The following CEP83 variants were observed in gnomAD, a reference collection of about 807,000 sequenced individuals.
CEP83 encodes the protein centrosomal protein of 83 kDa.
In CEP83, 70 loss-of-function variants were observed where a neutral mutation model predicts 101.9. The ratio of observed to expected loss-of-function variants is 0.69; its 90% confidence interval spans 0.57 to 0.84. CEP83 has a LOEUF of 0.84. Among genes scored for constraint, CEP83 ranks in the 40% least tolerant of loss-of-function variants. The pLI is 0.00. For missense variants in CEP83, 715 were observed against 787.2 expected (o/e 0.91, Z 1.10); for synonymous variants, 264 against 267.9 (o/e 0.99, Z 0.14).
At chr12:94,298,718 T>C in the CEP83 span, 3 of 1,613,354 alleles carry the variant, frequency 1.9e-6, no homozygotes, top group South Asian at 1.1e-5. Flanking sequence ...TAAAATACTT[T>C]TTTGACTTTT....
intron 8 of CEP83, among the ~76,000 whole-genome samples, chr12:94,372,618 T>A (rs1443629948): frequency 6.6e-6 from 1 of 152,276 alleles, no homozygotes. Flanking sequence ...AGGAAGTTGA[T>A]TCATCTCATG....
chr12:94,366,884 G>C (rs1039952306), intron 11 of CEP83, among the ~76,000 whole-genome samples: 20 of 152,034 alleles, frequency 1.3e-4, no homozygotes, highest in African/African-American at 4.6e-4. Context: ...ATGTCAAAAG[G>C]ACATGGGATT....
intron 6 of CEP83, among the ~76,000 whole-genome samples, chr12:94,392,037 G>A (rs181767524): frequency 6.6e-6 from 1 of 152,122 alleles, no homozygotes; most frequent in Admixed American, 6.6e-5. Flanking sequence ...ACACAATAAT[G>A]ATGGGAGACT....
chr12:94,297,195 A>G, the CEP83 span: 1 of 1,613,946 alleles, frequency 6.2e-7, no homozygotes, highest in South Asian at 1.1e-5. Context: ...TCAGATGTGG[A>G]GTACTCGGAT....
rs756477542 is a variant in CEP83 at position 94,331,806 on chromosome 12, T to C, written c.1601A>G (p.Gln534Arg). 5 of 1,612,844 alleles carry C rather than the reference T, an allele frequency of 3.1e-6. No homozygotes were observed. Residue 534 changes from glutamine (Q) to arginine (R), a missense_variant, in exon 14 of 17, where the codon CAG becomes CGG. Transcript: ENST00000397809. The stretch of plus-strand genomic sequence containing the variant: ...AAGCTTATGCTTTTCTTCCAACCAC[T>C]GTATCTGTTTCTCTTCCAATGTCCT... ...AEKTLEEKQI[Q>R]WLEEKHKLHE... is the part of the protein sequence containing the mutation.
the CEP83 span, among the ~76,000 whole-genome samples, chr12:94,288,497 C>T: frequency 1.3e-5 from 2 of 152,186 alleles, no homozygotes; most frequent in African/African-American, 4.8e-5. Flanking sequence ...AGGTTAATTT[C>T]AAGTAAACAA....
At chr12:94,363,724 A>G (rs1041441554) in intron 11 of CEP83, among the ~76,000 whole-genome samples, 1 of 152,008 alleles carries the variant, frequency 6.6e-6, no homozygotes, top group African/African-American at 2.4e-5. Context: ...TGAGGTGGGC[A>G]AATCACCTGA....
intron 7 of CEP83, 103 bp downstream of exon 7, chr12:94,378,688 A>T (rs1362607948): frequency 1.0e-5 from 13 of 1,257,320 alleles, no homozygotes; most frequent in Non-Finnish European, 1.5e-5. Flanking sequence ...ATGCATCAGC[A>T]TTAGCTTGGG....
chr12:94,360,755 T>C (rs1326304517), intron 11 of CEP83, among the ~76,000 whole-genome samples: 1 of 152,062 alleles, frequency 6.6e-6, no homozygotes, highest in East Asian at 1.9e-4. Context: ...AAAAAAATCT[T>C]AAAATTTGCA....
At chr12:94,326,857 G>T (rs1471497643) in intron 14 of CEP83, among the ~76,000 whole-genome samples, 2 of 152,190 alleles carry the variant, frequency 1.3e-5, no homozygotes, top group Non-Finnish European at 2.9e-5. Flanking sequence ...AGAGCCTTTT[G>T]AAGAAGGATG....
intron 11 of CEP83, among the ~76,000 whole-genome samples, chr12:94,339,620 G>A (rs1021246683): frequency 1.6e-4 from 25 of 152,184 alleles, no homozygotes; most frequent in African/African-American, 5.3e-4. Flanking sequence ...TCAAAGGGAA[G>A]CAACATACAG....
rs143461750 is a variant in CEP83 at position 94,348,852 on chromosome 12, G to A, written c.1344-13188C>T. ...ACAACCAATGCGTCAAAAGTGGAAC[G>A]AACTGCACTACAAAGTTTTGCCTCA... On this transcript the variant is annotated intron_variant, in intron 11 of 16. Transcript: ENST00000397809. 2.5e-3 allele frequency among the ~76,000 whole-genome samples: 374 copies of A among 152,298 alleles called. 1 individual carries two copies. The highest frequency in any genetic ancestry group is 8.5e-3 in the African/African-American group (355 of 41,564).
Position 94,325,177 on chromosome 12 carries a change from CTTTTT to C in CEP83, c.1707+6518_1707+6522del, listed in dbSNP as rs199619275. On this transcript the variant is annotated intron_variant, in intron 14 of 16. Coordinates refer to ENST00000397809, the MANE Select transcript of CEP83 (RefSeq NM_016122.3). ...CCCTACTCCTGTCAATTTTCTCTCC[CTTTTT>C]TTTTTTTGAGATGGAGTCTTGCTGT... Among the ~76,000 whole-genome samples the C allele has an allele frequency of 4.1e-5, 6 of 146,408 alleles. No individual in the cohort carries two copies. In the East Asian group the frequency reaches 1.2e-3, roughly 29 times the overall value.
chr12:94,432,953 ACC>A (rs1378635810), intron 2 of CEP83, among the ~76,000 whole-genome samples: 1 of 152,210 alleles, frequency 6.6e-6, no homozygotes, highest in East Asian at 1.9e-4. Flanking sequence ...AAGGGAGAGA[ACC>A]CTAATTCTGC....
At chr12:94,312,299 C>T (rs1441349787) in intron 15 of CEP83, among the ~76,000 whole-genome samples, 2 of 152,122 alleles carry the variant, frequency 1.3e-5, no homozygotes, top group East Asian at 1.9e-4. Flanking sequence ...CATCATAAAA[C>T]GTCACTGCAT....
intron 13 of CEP83, among the ~76,000 whole-genome samples, chr12:94,332,876 T>TA (rs956465676): frequency 5.3e-5 from 8 of 151,276 alleles, no homozygotes; most frequent in African/African-American, 1.7e-4. Flanking sequence ...AATAAAAACT[T>TA]ACTTACAAGG....
chr12:94,369,755 T>C (rs2061206675), intron 9 of CEP83, 167 bp downstream of exon 9: 3 of 464,884 alleles, frequency 6.5e-6, no homozygotes, highest in Non-Finnish European at 3.8e-6. Context: ...AATCTTACAA[T>C]GAACAAAACA....
chr12:94,314,624 C>T (rs2136310239), intron 14 of CEP83, among the ~76,000 whole-genome samples: 1 of 152,320 alleles, frequency 6.6e-6, no homozygotes, highest in East Asian at 1.9e-4. Context: ...TAAGGGTTAT[C>T]TGCATTATTT....
chr12:94,280,700 G>C, the CEP83 span, among the ~76,000 whole-genome samples: 1 of 152,210 alleles, frequency 6.6e-6, no homozygotes, highest in African/African-American at 2.4e-5. Context: ...CCTGACCCCA[G>C]ACCCCCAGCT....
Sources: gnomAD v4.1 joint callset for allele counts (sites outside exome capture counted in the v4.1 genomes callset) on GRCh38, gnomAD v4.1.1 for gene constraint, MANE v1.5 for transcripts, NCBI Gene and HGNC (gene_info 2026-07-23, HGNC 2026-07-21) for gene names.